Variants in RAB3C observed in about 807,000 individuals in gnomAD.
RAB3C encodes the protein RAB3C, member RAS oncogene family, also known as ras-related protein Rab-3C.
Under a neutral mutation model 26.4 loss-of-function variants are expected in RAB3C, and 17 were observed. The ratio of observed to expected loss-of-function variants is 0.64; its 90% CI spans 0.44 to 0.97. The LOEUF (loss-of-function observed/expected upper bound fraction) is 0.97, where lower values mean the gene tolerates loss of function less well. RAB3C is among the 50% of genes least tolerant of loss of function. The pLI, the probability that RAB3C is intolerant of heterozygous loss-of-function variation, is 0.00. For missense variants in RAB3C, 242 were observed against 281.9 expected, an observed-to-expected ratio of 0.86 and a Z score of 1.01; for synonymous variants, 91 against 95.9, an observed-to-expected ratio of 0.95 and a Z score of 0.30.
At chr5:58,809,413 AGGC>A (rs1242439164) in intron 3 of RAB3C, among the ~76,000 whole-genome samples, 1 of 151,086 alleles carries the variant, frequency 6.6e-6, no homozygotes, top group East Asian at 1.9e-4. Context: ...ACCTTAGCAG[AGGC>A]ACAAATTGAA....
At chr5:58,727,163 A>G (rs1579882336) in intron 3 of RAB3C, among the ~76,000 whole-genome samples, 1 of 152,050 alleles carries the variant, frequency 6.6e-6, no homozygotes, top group Admixed American at 6.6e-5. Flanking sequence ...ATCCAAAATG[A>G]TTTTTACATA....
chr5:58,825,566 C>T (rs950486660), intron 4 of RAB3C, among the ~76,000 whole-genome samples: 1 of 152,086 alleles, frequency 6.6e-6, no homozygotes, highest in African/African-American at 2.4e-5. Context: ...CAGAATAGGT[C>T]ACATCCTAGA....
intron 2 of RAB3C, among the ~76,000 whole-genome samples, chr5:58,689,494 T>G (rs1748516625): frequency 6.6e-6 from 1 of 152,152 alleles, no homozygotes; most frequent in Non-Finnish European, 1.5e-5. Flanking sequence ...ATTTTTATTT[T>G]ATTTACTGTA....
rs1477638267 is a variant in RAB3C at position 58,825,028 on chromosome 5, T to C, written c.372-10T>C. 6.3e-7 allele frequency: 1 copy of C among 1,598,690 alleles called. No homozygotes were observed. The highest frequency in any genetic ancestry group is 1.3e-5 in the African/African-American group (1 of 74,398). ...CTCTGATTGTGTCATGCTTCTTCTT[T>C]TTCTTTTAGGTCAACTCAAATCAAA... On this transcript the variant is annotated splice_polypyrimidine_tract_variant and intron_variant, in intron 3 of 4. Transcript: ENST00000282878.
At chr5:58,790,632 T>C (rs1742503255) in intron 3 of RAB3C, among the ~76,000 whole-genome samples, 1 of 152,142 alleles carries the variant, frequency 6.6e-6, no homozygotes, top group South Asian at 2.1e-4. Context: ...CAAGGACCAC[T>C]AGAGCCTACT....
chr5:58,756,821 A>G (rs917217437), intron 3 of RAB3C, among the ~76,000 whole-genome samples: 1 of 151,156 alleles, frequency 6.6e-6, no homozygotes, highest in Non-Finnish European at 1.5e-5. Context: ...TATTTGCAAC[A>G]TTTTCTTTAT....
rs1199311393 is a variant in RAB3C, at chr5:58,790,381, A to C, written c.372-34657A>C. ...GCAAATTCAAACCCTGATTAGTTTT[A>C]GAAATGTTGTAATAGCTCCCTCCTG... On this transcript the variant is annotated intron_variant, in intron 3 of 4. Transcript: ENST00000282878. Among the ~76,000 whole-genome samples, 3 of 152,232 alleles carry C rather than the reference A, an allele frequency of 2.0e-5. No homozygotes were observed. The East Asian group carries it at 5.8e-4, about 29-fold the overall frequency.
chr5:58,623,461 G>A (rs971072202), intron 2 of RAB3C, among the ~76,000 whole-genome samples: 29 of 152,214 alleles, frequency 1.9e-4, no homozygotes, highest in African/African-American at 7.0e-4. Flanking sequence ...ACCATTCTTG[G>A]TGCTGTCATT....
chr5:58,645,603 A>G (rs921084948), intron 2 of RAB3C, among the ~76,000 whole-genome samples: 1 of 152,252 alleles, frequency 6.6e-6, no homozygotes, highest in Non-Finnish European at 1.5e-5. Context: ...CTGCCTTTTC[A>G]AAATCAGACA....
intron 3 of RAB3C, among the ~76,000 whole-genome samples, chr5:58,799,331 C>T (rs867268373): frequency 2.2e-4 from 34 of 151,902 alleles, no homozygotes; most frequent in Middle Eastern, 3.2e-3. Context: ...ATGGCAACTT[C>T]TACTTGTCTA....
At chr5:58,725,286 C>G (rs948676263) in intron 2 of RAB3C, among the ~76,000 whole-genome samples, 2 of 151,724 alleles carry the variant, frequency 1.3e-5, no homozygotes, top group African/African-American at 4.8e-5. Context: ...CATTGAGAAG[C>G]CTGTTGTCAG....
chr5:58,843,149 C>T (rs768389404), intron 4 of RAB3C, among the ~76,000 whole-genome samples: 10 of 152,110 alleles, frequency 6.6e-5, no homozygotes, highest in Admixed American at 2.6e-4. Context: ...AAAGGCCTAG[C>T]GTAGTATGTG....
intron 3 of RAB3C, among the ~76,000 whole-genome samples, chr5:58,759,630 A>G (rs981417711): frequency 5.3e-5 from 8 of 152,202 alleles, no homozygotes; most frequent in African/African-American, 1.9e-4. Context: ...CTTTAATTAC[A>G]TATTAGAAAG....
chr5:58,759,178 A>ATACTG (rs1377156173), intron 3 of RAB3C, among the ~76,000 whole-genome samples: 1 of 152,236 alleles, frequency 6.6e-6, no homozygotes, highest in Non-Finnish European at 1.5e-5. Context: ...ATTAGGCAAG[A>ATACTG]TACTGTAGTC....
chr5:58,636,293 G>A (rs1326890221), intron 2 of RAB3C, among the ~76,000 whole-genome samples: 1 of 152,094 alleles, frequency 6.6e-6, no homozygotes, highest in Non-Finnish European at 1.5e-5. Flanking sequence ...ATGGGTTCCT[G>A]CCCAAATGTG....
chr5:58,839,067 T>A (rs1743816157), intron 4 of RAB3C, among the ~76,000 whole-genome samples: 1 of 152,074 alleles, frequency 6.6e-6, no homozygotes, highest in Non-Finnish European at 1.5e-5. Context: ...CTTTTTCCAA[T>A]CCTTCACTTT....
chr5:58,758,199 C>T (rs1741718051), intron 3 of RAB3C, among the ~76,000 whole-genome samples: 1 of 152,168 alleles, frequency 6.6e-6, no homozygotes, highest in Non-Finnish European at 1.5e-5. Flanking sequence ...CTGCCTCAGC[C>T]TCCCGAAGTG....
chr5:58,803,409 T>C (rs1475222754), intron 3 of RAB3C, among the ~76,000 whole-genome samples: 2 of 152,234 alleles, frequency 1.3e-5, no homozygotes, highest in African/African-American at 2.4e-5. Flanking sequence ...GCTTTTGATA[T>C]ATGAGAATCA....
intron 3 of RAB3C, among the ~76,000 whole-genome samples, chr5:58,814,388 C>T (rs1743165191): frequency 6.6e-6 from 1 of 152,064 alleles, no homozygotes; most frequent in Non-Finnish European, 1.5e-5. Context: ...CTTTTCTCAG[C>T]CACCAGGAAT....
Sources: gnomAD v4.1 joint callset for allele counts (sites outside exome capture counted in the v4.1 genomes callset) on GRCh38, gnomAD v4.1.1 for gene constraint, MANE v1.5 for transcripts, NCBI Gene and HGNC (gene_info 2026-07-23, HGNC 2026-07-21) for gene names.